RAP1GDS1: variants seen among roughly 807,000 people sequenced by gnomAD.
RAP1GDS1 encodes Rap1 GTPase-GDP dissociation stimulator 1.
RAP1GDS1 carries 35 observed loss-of-function variants against 71.1 expected under a neutral mutation model. That is an observed-to-expected ratio of 0.49 (90% CI 0.38 to 0.65). RAP1GDS1 has a LOEUF of 0.65. Ranked by LOEUF, RAP1GDS1 falls within the 30% of genes least tolerant of loss-of-function variation. RAP1GDS1 has a pLI of 0.00. For missense variants in RAP1GDS1, 663 were observed against 706.1 expected (o/e 0.94, Z 0.69); for synonymous variants, 229 against 243.1 (o/e 0.94, Z 0.54).
chr4:98,281,330 C>G (rs890589037), intron 1 of RAP1GDS1, among the ~76,000 whole-genome samples: 2 of 152,152 alleles, frequency 1.3e-5, no homozygotes, highest in Non-Finnish European at 2.9e-5. Flanking sequence ...TCGTTCACAT[C>G]CCTTGTAAGT....
At chr4:98,440,884 G>C (rs997731918) in intron 14 of RAP1GDS1, among the ~76,000 whole-genome samples, 6 of 152,090 alleles carry the variant, frequency 3.9e-5, no homozygotes, top group African/African-American at 1.2e-4. Context: ...GTAGAGATGG[G>C]GTTTCTCCAT....
chr4:98,331,189 G>T (rs777180352), intron 2 of RAP1GDS1, among the ~76,000 whole-genome samples: 16 of 152,130 alleles, frequency 1.1e-4, no homozygotes, highest in South Asian at 1.0e-3. Flanking sequence ...CCAGGCACTC[G>T]GCAGGCTGAG....
intron 7 of RAP1GDS1, among the ~76,000 whole-genome samples, chr4:98,414,619 C>G (rs200898766): frequency 6.8e-6 from 1 of 147,922 alleles, no homozygotes; most frequent in Non-Finnish European, 1.5e-5. Flanking sequence ...GTTACTGTAG[C>G]CTTGTAGTAT....
chr4:98,372,633 T>G (rs1338486999), intron 4 of RAP1GDS1, among the ~76,000 whole-genome samples: 1 of 152,268 alleles, frequency 6.6e-6, no homozygotes, highest in East Asian at 1.9e-4. Flanking sequence ...TTTATGCTTC[T>G]GTTTTCTATT....
intron 2 of RAP1GDS1, among the ~76,000 whole-genome samples, chr4:98,301,040 ACT>A (rs36092380): frequency 0.11 from 16,836 of 151,250 alleles, 1,124 homozygotes; most frequent in African/African-American, 0.18. Flanking sequence ...CTCTGAACAT[ACT>A]CCTGCTGTTT....
At chr4:98,293,857 TG>T (rs1011458730) in intron 2 of RAP1GDS1, among the ~76,000 whole-genome samples, 2 of 152,072 alleles carry the variant, frequency 1.3e-5, no homozygotes, top group Admixed American at 6.6e-5. Context: ...AAAAATAGAT[TG>T]TTTTATATGT....
intron 6 of RAP1GDS1, among the ~76,000 whole-genome samples, chr4:98,404,123 C>CT (rs1441694158): frequency 6.6e-6 from 1 of 152,132 alleles, no homozygotes; most frequent in Non-Finnish European, 1.5e-5. Context: ...AAACATTCCA[C>CT]TTTAATGATA....
chr4:98,391,562 T>G (rs1184102599), intron 5 of RAP1GDS1, among the ~76,000 whole-genome samples: 4 of 152,114 alleles, frequency 2.6e-5, no homozygotes, highest in African/African-American at 9.7e-5. Flanking sequence ...ACTTTTCTCA[T>G]GCTTTTCATA....
At chr4:98,340,899 A>G (rs1735415842) in intron 2 of RAP1GDS1, among the ~76,000 whole-genome samples, 2 of 152,120 alleles carry the variant, frequency 1.3e-5, no homozygotes, top group South Asian at 4.1e-4. Context: ...GAAGATGAGT[A>G]TTGAAAAACT....
intron 2 of RAP1GDS1, 111 bp from the exon 3 acceptor site, chr4:98,343,028 C>G: frequency 8.4e-7 from 1 of 1,185,572 alleles, no homozygotes; most frequent in South Asian, 1.8e-5. Flanking sequence ...TATACCGAAA[C>G]TAATTTCTAT....
At chr4:98,352,695 T>C in intron 4 of RAP1GDS1, 94 bp downstream of exon 4, 1 of 1,357,438 alleles carries the variant, frequency 7.4e-7, no homozygotes, top group Non-Finnish European at 1.0e-6. Context: ...TTTTCTAGGC[T>C]AAAACACTAA....
chr4:98,373,734 A>C (rs1462589989), intron 4 of RAP1GDS1, among the ~76,000 whole-genome samples: 1 of 152,184 alleles, frequency 6.6e-6, no homozygotes, highest in Non-Finnish European at 1.5e-5. Context: ...ACCTGTAATA[A>C]AGTTAAACCA....
At chr4:98,363,855 T>C (rs145791040) in intron 4 of RAP1GDS1, among the ~76,000 whole-genome samples, 12 of 152,266 alleles carry the variant, frequency 7.9e-5, no homozygotes, top group African/African-American at 1.7e-4. Flanking sequence ...GATTAAGTTA[T>C]GGTAGTGTGG....
intron 7 of RAP1GDS1, among the ~76,000 whole-genome samples, chr4:98,410,466 A>T (rs1746884791): frequency 6.6e-6 from 1 of 152,198 alleles, no homozygotes; most frequent in South Asian, 2.1e-4. Flanking sequence ...GGGAAGTAGT[A>T]TCTATTGAAG....
chr4:98,382,874 T>C (rs1363615588), intron 5 of RAP1GDS1, among the ~76,000 whole-genome samples: 3 of 151,704 alleles, frequency 2.0e-5, no homozygotes, highest in East Asian at 1.9e-4. Context: ...TGATGTTCCT[T>C]ATCTACGTAT....
chr4:98,326,090 C>T (rs555351255), intron 2 of RAP1GDS1, among the ~76,000 whole-genome samples: 3 of 152,176 alleles, frequency 2.0e-5, no homozygotes, highest in Non-Finnish European at 2.9e-5. Context: ...CAGTTTTCTC[C>T]GACAGTCTTG....
chr4:98,303,358 A>G (rs930938463), intron 2 of RAP1GDS1, among the ~76,000 whole-genome samples: 1 of 152,146 alleles, frequency 6.6e-6, no homozygotes, highest in Non-Finnish European at 1.5e-5. Flanking sequence ...TGTGTTGTAC[A>G]TCTAAAAAAC....
intron 7 of RAP1GDS1, among the ~76,000 whole-genome samples, chr4:98,414,625 A>C: frequency 6.7e-6 from 1 of 148,540 alleles, no homozygotes; most frequent in East Asian, 2.0e-4. Flanking sequence ...GTAGCCTTGT[A>C]GTATAGTTTG....
chr4:98,392,226 T>A, intron 6 of RAP1GDS1, 146 bp downstream of exon 6: 1 of 770,214 alleles, frequency 1.3e-6, no homozygotes, highest in Non-Finnish European at 1.9e-6. Flanking sequence ...ATCAATATTT[T>A]AAAAAGTAAA....
Sources: allele counts gnomAD v4.1 joint callset (sites outside exome capture counted in the v4.1 genomes callset), GRCh38; gene constraint gnomAD v4.1.1; transcripts MANE v1.5; gene names NCBI Gene and HGNC (gene_info 2026-07-23, HGNC 2026-07-21).